KMT2A: variants seen among roughly 807,000 people sequenced by gnomAD.
KMT2A encodes lysine methyltransferase 2A.
A neutral mutation model predicts 345.3 loss-of-function variants in KMT2A; 16 were observed. That is an observed-to-expected ratio of 0.05 (90% CI 0.03 to 0.07). The LOEUF is 0.07. KMT2A is among the 10% of genes least tolerant of loss of function. The probability of loss-of-function intolerance (pLI) is 1.00; values close to 1 mark genes in which losing one functional copy is unlikely to be tolerated. For missense variants in KMT2A, 3,272 were observed against 4,841.6 expected (o/e 0.68, Z 9.62); for synonymous variants, 1,599 against 1,778.6 (o/e 0.90, Z 2.54).
In KMT2A at chr11:118,472,017, G is replaced by C; in HGVS notation, c.858G>C (p.Lys286Asn). ...TCTCTCCTCTCAAGTCTAAGTTTAA[G>C]ACAGGGAAGCTTCAAATAGGAAGGA... ...GKLSPLKSKF[K>N]TGKLQIGRKG... The change falls in exon 3 of 36, where the codon AAG becomes AAC. Residue 286 changes from lysine to asparagine, a missense_variant. Physicochemically the swap from Lys to Asn is moderately conservative, Grantham distance 94. Transcript: ENST00000534358. The C allele has an allele frequency of 1.2e-6, 2 of 1,613,618 alleles. No homozygotes were observed. The highest frequency in any genetic ancestry group is 1.7e-6 in the Non-Finnish European group (2 of 1,179,920).
Position 118,461,975 on chromosome 11 carries a change from G to A in KMT2A, c.433-6800G>A, listed in dbSNP as rs1165146395. On this transcript the variant is annotated intron_variant, in intron 1 of 35. Coordinates refer to ENST00000534358, the MANE Select transcript of KMT2A (RefSeq NM_001197104.2). The stretch of plus-strand genomic sequence containing the variant: ...TTATTTATTTATTTATTTTTGAGAC[G>A]GAGTTTTGCTTTATCACCCAGGCTG... Among the ~76,000 whole-genome samples the A allele has an allele frequency of 5.3e-5, 8 of 151,636 alleles. No homozygotes were observed. The South Asian group carries it at 1.7e-3, about 32-fold the overall frequency.
Position 118,497,165 on chromosome 11 carries a change from C to T in KMT2A, c.5665-771C>T, listed in dbSNP as rs782512444. On this transcript the variant is annotated intron_variant, in intron 20 of 35. Transcript: ENST00000534358. This position sits in a 1 kb window ranked among gnomAD's most constrained non-coding sequence, Gnocchi z 4.8. ...GATTACAGGCATGTGCCACCATGCC[C>T]GGCTAATTTTGTATTTTTAGTAGAG... is the stretch of plus-strand genomic sequence containing the variant. Among the ~76,000 whole-genome samples the T allele has an allele frequency of 5.9e-5, 9 of 151,706 alleles. No individual in the cohort carries two copies. The highest frequency in any genetic ancestry group is 2.2e-4 in the African/African-American group (9 of 41,278).
intron 2 of KMT2A, among the ~76,000 whole-genome samples, chr11:118,469,921 G>A (rs1158225262): frequency 6.6e-6 from 1 of 152,212 alleles, no homozygotes; most frequent in Non-Finnish European, 1.5e-5. Context: ...CAGTATCTGT[G>A]CTATTCAGAC....
In KMT2A at chr11:118,491,679, T is replaced by C. The variant is rs1006618241; in HGVS notation, c.4820-65T>C. 6.3e-6 allele frequency: 8 copies of C among 1,271,156 alleles called. No individual in the cohort carries two copies. Among genetic ancestry groups the C allele is most frequent in the Non-Finnish European group, 8.8e-6 (8 of 911,964 alleles). The allele number at this position is 1,271,156 out of a possible 1,614,324, so 78.7% of individuals were successfully genotyped here. A position where few individuals can be genotyped will look rare whatever the true frequency, so the allele number is the denominator to read the frequency against. On this transcript the variant is annotated intron_variant, in intron 14 of 35. Coordinates refer to ENST00000534358, the MANE Select transcript of KMT2A (RefSeq NM_001197104.2). The surrounding 1 kb of genome is among the most constrained non-coding windows in gnomAD (Gnocchi z 4.2). ...CTTTATAGTAAGTTCAGTGGAATAG[T>C]TTCCTCTTCTTCCTCTCTCTCATTC... is the stretch of plus-strand genomic sequence containing the variant.
At chr11:118,468,998 A>G in intron 2 of KMT2A, among the ~76,000 whole-genome samples, 154 bp downstream of exon 2, 1 of 152,142 alleles carries the variant, frequency 6.6e-6, no homozygotes, top group East Asian at 1.9e-4. Context: ...TTATTTATTT[A>G]TTATTGTTAT....
In KMT2A at chr11:118,507,573, A is replaced by G; in HGVS notation, c.10799A>G (p.Glu3600Gly). ...EAEQQDTASV[E>G]QSSQKECGQP... The stretch of plus-strand genomic sequence containing the variant: ...GAGCAGCAGGATACAGCTAGCGTGG[A>G]GCAGTCCTCCCAGAAGGAGTGTGGG... The change falls in exon 28 of 36, where the codon GAG (glutamate) becomes GGG (glycine). Residue 3600 changes from glutamate to glycine, a missense_variant. Glu to Gly is a moderately conservative substitution (Grantham distance 98). This residue lies in a region of KMT2A where 748 missense variants were observed against 922.2 expected (regional missense o/e 0.81). Transcript: ENST00000534358. 1 of 1,614,180 alleles carries G rather than the reference A, an allele frequency of 6.2e-7. No homozygotes were observed. Among genetic ancestry groups the G allele is most frequent in the Non-Finnish European group, 8.5e-7 (1 of 1,180,006 alleles).
chr11:118,500,390 G>A (rs1324886810), intron 24 of KMT2A, among the ~76,000 whole-genome samples: 1 of 152,158 alleles, frequency 6.6e-6, no homozygotes, highest in Non-Finnish European at 1.5e-5. Flanking sequence ...AACAATATAA[G>A]TTCAAAATTC....
chr11:118,486,040 C>G (rs749059930), intron 10 of KMT2A, among the ~76,000 whole-genome samples: 7 of 152,076 alleles, frequency 4.6e-5, no homozygotes, highest in Admixed American at 1.3e-4. Context: ...CCGAGATCGC[C>G]CCACTGCACT....
intron 1 of KMT2A, chr11:118,450,131 A>AT (rs1447500103): frequency 6.6e-6 from 1 of 151,826 alleles, no homozygotes; most frequent in African/African-American, 2.4e-5. Context: ...AAGTGGGCTT[A>AT]TTTTTTCTGC....
intron 1 of KMT2A, among the ~76,000 whole-genome samples, chr11:118,444,422 C>A (rs1949375607): frequency 6.6e-6 from 1 of 152,106 alleles, no homozygotes; most frequent in Non-Finnish European, 1.5e-5. Flanking sequence ...TATATAAATA[C>A]CTTTACAGAA....
rs1383298367 is a variant in KMT2A at position 118,480,169 on chromosome 11, C to T, written c.3570-5C>T. 6.2e-7 allele frequency: 1 copy of T among 1,610,172 alleles called. No homozygotes were observed. Among genetic ancestry groups the T allele is most frequent in the African/African-American group, 1.3e-5 (1 of 74,890 alleles). On this transcript the variant is annotated splice_polypyrimidine_tract_variant and splice_region_variant and intron_variant, in intron 5 of 35. Coordinates refer to ENST00000534358, the MANE Select transcript of KMT2A (RefSeq NM_001197104.2). ...TGTTTCATGGTTTATTCGTTGTTTTCCTAGGATGAGAAAATGTCAGAATCT... is the reference window on the plus strand; with the variant it reads ...TGTTTCATGGTTTATTCGTTGTTTTTCTAGGATGAGAAAATGTCAGAATCT...
At chr11:118,460,577 A>G (rs972208067) in intron 1 of KMT2A, among the ~76,000 whole-genome samples, 21 of 152,220 alleles carry the variant, frequency 1.4e-4, no homozygotes, top group African/African-American at 5.1e-4. Flanking sequence ...GTCAGGAGAC[A>G]CCACACCCAG....
intron 1 of KMT2A, chr11:118,450,702 CCTAT>C (rs1949518187): frequency 6.6e-6 from 1 of 152,158 alleles, no homozygotes; most frequent in Non-Finnish European, 1.5e-5. Context: ...TCAATCTCTT[CCTAT>C]CTGTTATGCA....
Position 118,522,227 on chromosome 11 carries a change from A to G in KMT2A, c.*55A>G. The G allele has an allele frequency of 6.3e-7, 1 of 1,590,468 alleles. No individual in the cohort carries two copies. The highest frequency in any genetic ancestry group is 8.6e-7 in the Non-Finnish European group (1 of 1,164,456). Reference sequence around the variant, plus strand: ...CAAGGAGGCGGGGCCATCCAAAGCAACGCTGAAGGCCTTTTCCAGCAGCTG... The same window carrying G: ...CAAGGAGGCGGGGCCATCCAAAGCAGCGCTGAAGGCCTTTTCCAGCAGCTG... On this transcript the variant is annotated 3_prime_UTR_variant, in exon 36 of 36. Transcript: ENST00000534358. This position sits in a 1 kb window ranked among gnomAD's most constrained non-coding sequence, Gnocchi z 5.4.
intron 1 of KMT2A, among the ~76,000 whole-genome samples, chr11:118,437,722 T>TA: frequency 6.6e-6 from 1 of 150,396 alleles, no homozygotes; most frequent in South Asian, 2.1e-4. Context: ...AGCCTATTGG[T>TA]AGCCGGGAAT....
chr11:118,483,830 G>C (rs1229653682), intron 8 of KMT2A, among the ~76,000 whole-genome samples: 1 of 152,106 alleles, frequency 6.6e-6, no homozygotes, highest in East Asian at 1.9e-4. Context: ...GCAGGAGCTG[G>C]AGACCAGCCT....
At chr11:118,485,046 T>C in intron 10 of KMT2A, 71 bp downstream of exon 10, 1 of 932,962 alleles carries the variant, frequency 1.1e-6, no homozygotes, top group South Asian at 1.4e-5. Context: ...ATTACTATAG[T>C]CTGTTTTGTT....
At chr11:118,468,638 A>G (rs1468764592) in intron 1 of KMT2A, 137 bp from the exon 2 acceptor site, 2 of 662,112 alleles carry the variant, frequency 3.0e-6, no homozygotes, top group African/African-American at 1.8e-5. Flanking sequence ...ATTTTATAGT[A>G]TCCATTGGAA....
chr11:118,475,858 G>A (rs1950028160), intron 3 of KMT2A, among the ~76,000 whole-genome samples: 1 of 152,232 alleles, frequency 6.6e-6, no homozygotes, highest in East Asian at 1.9e-4. Context: ...TTTTGTGATA[G>A]GAGCAGCGGC....
Sources: gnomAD v4.1 joint callset for allele counts (sites outside exome capture counted in the v4.1 genomes callset) on GRCh38, gnomAD v4.1.1 for gene constraint, gnomAD v4.1.1 regional missense constraint, Gnocchi (gnomAD v3.1) non-coding constraint, MANE v1.5 for transcripts, NCBI Gene and HGNC (gene_info 2026-07-23, HGNC 2026-07-21) for gene names.